The following AGFG1 variants were observed in gnomAD, a reference collection of about 807,000 sequenced individuals.
The protein encoded by AGFG1 is ArfGAP with FG repeats 1.
Under a neutral mutation model 60.6 loss-of-function variants are expected in AGFG1, and 10 were observed. The observed-to-expected ratio is 0.16, with a 90% CI of 0.10 to 0.28. The LOEUF (loss-of-function observed/expected upper bound fraction) is 0.28. Among genes scored for constraint, AGFG1 ranks in the 10% least tolerant of loss-of-function variants. AGFG1 has a pLI of 1.00. For missense variants in AGFG1, 537 were observed against 676.5 expected (o/e 0.79, Z 2.29); for synonymous variants, 247 against 242.9 (o/e 1.02, Z -0.16).
intron 2 of AGFG1, among the ~76,000 whole-genome samples, chr2:227,503,275 G>A (rs946645135): frequency 2.6e-5 from 4 of 151,342 alleles, no homozygotes; most frequent in African/African-American, 7.3e-5. Flanking sequence ...GTATAATTAC[G>A]GGTTATATGC....
chr2:227,496,441 C>CA (rs752316954), intron 2 of AGFG1, among the ~76,000 whole-genome samples: 115,228 of 139,872 alleles, frequency 0.82, 47,033 homozygotes, highest in African/African-American at 0.89. Flanking sequence ...GACTCCGTCT[C>CA]AAAAAAAAAA....
At chr2:227,492,026 CCT>C (rs557639641) in intron 2 of AGFG1, among the ~76,000 whole-genome samples, 194 of 152,050 alleles carry the variant, frequency 1.3e-3, no homozygotes, top group African/African-American at 4.6e-3. Flanking sequence ...CACTTGAAGT[CCT>C]CTATTTTTCG....
chr2:227,554,583 C>A lies in AGFG1; in HGVS notation c.*88C>A. ...TGCACTGTTGTCTTGTTTCACTGAT[C>A]TTAGCTTTAAACACAAGAGAAGTCT... On this transcript the variant is annotated 3_prime_UTR_variant, in exon 13 of 13. Transcript: ENST00000310078. The A allele has an allele frequency of 8.7e-7, 1 of 1,142,882 alleles. No individual in the cohort carries two copies. Among genetic ancestry groups the A allele is most frequent in the Non-Finnish European group, 1.3e-6 (1 of 786,356 alleles). The allele number at this position is 1,142,882 out of a possible 1,614,324, so 70.8% of individuals were successfully genotyped here.
chr2:227,492,693 A>G (rs889506582), intron 2 of AGFG1, among the ~76,000 whole-genome samples: 1 of 152,112 alleles, frequency 6.6e-6, no homozygotes, highest in Non-Finnish European at 1.5e-5. Context: ...ATATTAAATT[A>G]TTTAAAGAAG....
intron 2 of AGFG1, among the ~76,000 whole-genome samples, chr2:227,492,024 G>A (rs989915013): frequency 6.6e-6 from 1 of 152,098 alleles, no homozygotes; most frequent in African/African-American, 2.4e-5. Context: ...TTCACTTGAA[G>A]TCCTCTATTT....
chr2:227,487,597 A>G (rs1690680283), intron 1 of AGFG1, among the ~76,000 whole-genome samples: 1 of 152,144 alleles, frequency 6.6e-6, no homozygotes, highest in African/African-American at 2.4e-5. Flanking sequence ...GGTCAGCTCT[A>G]TTTCCAATTC....
At chr2:227,475,685 G>A (rs1690261833) in intron 1 of AGFG1, among the ~76,000 whole-genome samples, 1 of 152,138 alleles carries the variant, frequency 6.6e-6, no homozygotes, top group African/African-American at 2.4e-5. Flanking sequence ...GTTATGCTAG[G>A]CCACTACATG....
At chr2:227,483,950 G>A (rs1026763268) in intron 1 of AGFG1, among the ~76,000 whole-genome samples, 1 of 151,908 alleles carries the variant, frequency 6.6e-6, no homozygotes, top group Non-Finnish European at 1.5e-5. Context: ...AAGTTTTGGG[G>A]TACATGTGCA....
At chr2:227,514,668 G>T (rs1691602254) in intron 2 of AGFG1, among the ~76,000 whole-genome samples, 1 of 152,168 alleles carries the variant, frequency 6.6e-6, no homozygotes, top group Non-Finnish European at 1.5e-5. Context: ...AACTCATGCA[G>T]TCTGATTCCC....
At chr2:227,511,839 G>A (rs1575086370) in intron 2 of AGFG1, among the ~76,000 whole-genome samples, 1 of 152,140 alleles carries the variant, frequency 6.6e-6, no homozygotes, top group Admixed American at 6.6e-5. Context: ...TAATGTGAGA[G>A]TGCGTATCTG....
intron 10 of AGFG1, among the ~76,000 whole-genome samples, chr2:227,549,453 C>T (rs1418809651): frequency 6.6e-6 from 1 of 152,158 alleles, no homozygotes; most frequent in East Asian, 1.9e-4. Context: ...AAGATCTGTA[C>T]AAGATGCCTT....
Position 227,529,895 on chromosome 2 carries a change from A to G in AGFG1, c.695-1196A>G, listed in dbSNP as rs201054125. Among the ~76,000 whole-genome samples the G allele has an allele frequency of 2.6e-5, 4 of 151,534 alleles. No homozygotes were observed. The East Asian group carries it at 7.7e-4, about 29-fold the overall frequency. The stretch of plus-strand genomic sequence containing the variant: ...TAGATATATTGATTTTTTTTTTTTA[A>G]TAAGAGAAGCTAGAAGTCTTTTTGT... On this transcript the variant is annotated intron_variant, in intron 5 of 12. Transcript: ENST00000310078.
Position 227,558,270 on chromosome 2 carries a change from A to G in AGFG1, c.*3775A>G, listed in dbSNP as rs1360193468. The G allele has an allele frequency of 2.6e-5, 4 of 152,194 alleles. No homozygotes were observed. The highest frequency in any genetic ancestry group is 7.2e-5 in the African/African-American group (3 of 41,460). 9.4% of individuals were successfully genotyped at this position (152,194 alleles called of 1,614,324 possible). A position where few individuals can be genotyped will look rare whatever the true frequency, so the allele number is the denominator to read the frequency against. ...TAAATGCTATCACATTTATATATGAATGCATTCTTTCTTAATATTTTGAAA... is the reference window on the plus strand; with the variant it reads ...TAAATGCTATCACATTTATATATGAGTGCATTCTTTCTTAATATTTTGAAA... On this transcript the variant is annotated 3_prime_UTR_variant, in exon 13 of 13. Transcript: ENST00000310078.
At chr2:227,486,245 TTGTC>T (rs1300983302) in intron 1 of AGFG1, among the ~76,000 whole-genome samples, 8 of 152,226 alleles carry the variant, frequency 5.3e-5, no homozygotes, top group Non-Finnish European at 1.2e-4. Flanking sequence ...TTTTAATTTT[TTGTC>T]TTTCTTTTCT....
intron 1 of AGFG1, among the ~76,000 whole-genome samples, chr2:227,483,375 G>A (rs1342113770): frequency 6.6e-6 from 1 of 151,984 alleles, no homozygotes; most frequent in African/African-American, 2.4e-5. Context: ...CTTGACATAC[G>A]TTATAATTTT....
At chr2:227,492,354 C>A (rs1368276214) in intron 2 of AGFG1, among the ~76,000 whole-genome samples, 2 of 151,616 alleles carry the variant, frequency 1.3e-5, no homozygotes, top group African/African-American at 4.8e-5. Flanking sequence ...GCCAGTTAAC[C>A]CAAGCTGATT....
intron 2 of AGFG1, among the ~76,000 whole-genome samples, chr2:227,514,120 C>T (rs1034633805): frequency 6.6e-6 from 1 of 152,166 alleles, no homozygotes. Flanking sequence ...CTGGTAAGAC[C>T]ACCCTTCCCA....
At chr2:227,472,943 G>A (rs1227191873) in intron 1 of AGFG1, among the ~76,000 whole-genome samples, 1 of 151,532 alleles carries the variant, frequency 6.6e-6, no homozygotes, top group Non-Finnish European at 1.5e-5. Context: ...CCAGCTACCC[G>A]GGGCGCCGGG....
At chr2:227,543,638 TGGG>T (rs1692557427) in intron 10 of AGFG1, among the ~76,000 whole-genome samples, 1 of 152,188 alleles carries the variant, frequency 6.6e-6, no homozygotes. Flanking sequence ...TCTGTTGATT[TGGG>T]ATGAAGAGTT....
Sources: allele counts gnomAD v4.1 joint callset (sites outside exome capture counted in the v4.1 genomes callset), GRCh38; gene constraint gnomAD v4.1.1; transcripts MANE v1.5; gene names NCBI Gene and HGNC (gene_info 2026-07-23, HGNC 2026-07-21).